ANKRD26: variants seen among roughly 807,000 people sequenced by gnomAD.
ANKRD26 encodes ankyrin repeat domain 26.
A neutral mutation model predicts 208.7 loss-of-function variants in ANKRD26; 141 were observed. The ratio of observed to expected loss-of-function variants is 0.68; its 90% CI spans 0.59 to 0.78. ANKRD26 has a LOEUF of 0.78. ANKRD26 is among the 30% of genes least tolerant of loss of function. The probability of loss-of-function intolerance (pLI) is 0.00; values close to 1 mark genes in which losing one functional copy is unlikely to be tolerated. For missense variants in ANKRD26, 1,889 were observed against 1,938.7 expected, an observed-to-expected ratio of 0.97 and a Z score of 0.48; for synonymous variants, 636 against 660.4, an observed-to-expected ratio of 0.96 and a Z score of 0.57.
rs760688193 is a variant in ANKRD26 at position 27,037,272 on chromosome 10, C to T, written c.2611G>A (p.Ala871Thr). ...AQRQLSREQNARMLQDGILTN... is the reference protein window; with the variant it reads ...AQRQLSREQNTRMLQDGILTN... ...AGAATTCCATCTTGTAACATTCTGG[C>T]ATTCTGTTCTCGAGAAAGTTGCCTC... The change falls in exon 23 of 34, where the codon GCC (alanine) becomes ACC (threonine). Residue 871 changes from alanine (A) to threonine (T), a missense_variant. Physicochemically the swap from Ala to Thr is moderately conservative, Grantham distance 58 (BLOSUM62 0). This residue lies in a region of ANKRD26 where 1,272 missense variants were observed against 1,273.8 expected (regional missense o/e 1.00). Coordinates refer to ENST00000376087, the MANE Select transcript of ANKRD26 (RefSeq NM_014915.3). 8.1e-6 allele frequency: 13 copies of T among 1,613,768 alleles called. No individual in the cohort carries two copies. The highest frequency in any genetic ancestry group is 3.3e-5 in the South Asian group (3 of 91,068).
At chr10:27,077,760 AATAG>A (rs1183504485) in intron 7 of ANKRD26, 67 bp from the exon 8 acceptor site, 9 of 1,348,908 alleles carry the variant, frequency 6.7e-6, no homozygotes, top group South Asian at 2.4e-5. Context: ...AAATAATCGT[AATAG>A]ATAGTCACCA....
chr10:27,082,662 A>G (rs989564848), intron 6 of ANKRD26, 141 bp downstream of exon 6: 163 of 1,249,080 alleles, frequency 1.3e-4, no homozygotes, highest in Non-Finnish European at 1.3e-4. Context: ...GGGTTGTAAT[A>G]TAGCACAGAT....
chr10:27,074,804 AAAAT>A (rs1447190298), intron 9 of ANKRD26, among the ~76,000 whole-genome samples: 2 of 151,938 alleles, frequency 1.3e-5, no homozygotes, highest in Non-Finnish European at 1.5e-5. Flanking sequence ...AGAATAAAAT[AAAAT>A]AAATAAATAA....
intron 5 of ANKRD26, among the ~76,000 whole-genome samples, 168 bp from the exon 6 acceptor site, chr10:27,083,001 G>T (rs1389994206): frequency 6.6e-6 from 1 of 152,012 alleles, no homozygotes; most frequent in Non-Finnish European, 1.5e-5. Context: ...CACATGTATA[G>T]AAAAAAGTTA....
At chr10:27,046,164 A>G in intron 18 of ANKRD26, 189 bp downstream of exon 18, 3 of 631,814 alleles carry the variant, frequency 4.7e-6, no homozygotes, top group East Asian at 2.9e-5. Flanking sequence ...CATCCACTAT[A>G]GTCAGGGCTC....
At chr10:27,013,160 T>A in intron 31 of ANKRD26, 50 bp from the exon 32 acceptor site, 1 of 1,528,506 alleles carries the variant, frequency 6.5e-7, no homozygotes, top group Non-Finnish European at 9.0e-7. Context: ...TTTCCCTAAA[T>A]GATTCCTAAA....
intron 33 of ANKRD26, among the ~76,000 whole-genome samples, chr10:27,006,516 A>G (rs932490369): frequency 1.3e-5 from 2 of 152,194 alleles, no homozygotes; most frequent in African/African-American, 4.8e-5. Flanking sequence ...TCCAGACTAG[A>G]TATTACTAGT....
chr10:26,961,202 C>T, the ANKRD26 span, among the ~76,000 whole-genome samples: 2,854 of 138,778 alleles, frequency 0.021, 44 homozygotes, highest in Middle Eastern at 0.032. Context: ...GGCAACAAAG[C>T]GAGAATCCAT....
intron 9 of ANKRD26, among the ~76,000 whole-genome samples, chr10:27,069,961 T>A (rs1321440724): frequency 6.6e-6 from 1 of 151,510 alleles, no homozygotes; most frequent in African/African-American, 2.4e-5. Context: ...CTACAAAAAA[T>A]AAATAAATAG....
intron 9 of ANKRD26, among the ~76,000 whole-genome samples, chr10:27,070,988 T>C (rs1038452754): frequency 6.6e-6 from 1 of 151,998 alleles, no homozygotes; most frequent in African/African-American, 2.4e-5. Flanking sequence ...GTAAACTCCC[T>C]TGGCAATCTT....
At chr10:26,960,459 C>G in the ANKRD26 span, among the ~76,000 whole-genome samples, 1 of 152,172 alleles carries the variant, frequency 6.6e-6, no homozygotes, top group African/African-American at 2.4e-5. Flanking sequence ...TCCTCCAGAC[C>G]AGCCTAGCTG....
chr10:27,072,642 G>A (rs926949768), intron 9 of ANKRD26, among the ~76,000 whole-genome samples: 1 of 152,068 alleles, frequency 6.6e-6, no homozygotes, highest in African/African-American at 2.4e-5. Context: ...TTTTGCAAGC[G>A]CCACCTCCTG....
chr10:26,959,184 C>A, the ANKRD26 span, among the ~76,000 whole-genome samples: 3 of 151,190 alleles, frequency 2.0e-5, no homozygotes, highest in African/African-American at 4.9e-5. Flanking sequence ...GAGGCTGAGG[C>A]ATGAGAATCA....
intron 27 of ANKRD26, among the ~76,000 whole-genome samples, chr10:27,026,987 T>C (rs1341519756): frequency 1.3e-5 from 2 of 152,172 alleles, no homozygotes; most frequent in Admixed American, 6.5e-5. Flanking sequence ...GGTTTTGCCA[T>C]GTTGGCCAGG....
At chr10:27,033,030 G>A (rs773432403) in intron 25 of ANKRD26, among the ~76,000 whole-genome samples, 195 bp downstream of exon 25, 2 of 144,746 alleles carry the variant, frequency 1.4e-5, no homozygotes, top group South Asian at 2.2e-4. Flanking sequence ...AGCCGAGATC[G>A]CGCCACTGTG....
At position 27,061,252 on chromosome 10, in the gene ANKRD26, A is replaced by C. The variant is rs754741632; in HGVS notation, c.1364-10T>G. 5.9e-6 allele frequency: 9 copies of C among 1,523,128 alleles called. No homozygotes were observed. In the South Asian group the frequency reaches 7.9e-5, roughly 13 times the overall value. 94.4% of individuals were successfully genotyped at this position (1,523,128 alleles called of 1,614,324 possible). A position where few individuals can be genotyped will look rare whatever the true frequency, so the allele number is the denominator to read the frequency against. ...GGTATATAAAACACATCTAAGAAAT[A>C]ATACATAATAAGCTTTCAATATTGT... On this transcript the variant is annotated splice_polypyrimidine_tract_variant and intron_variant, in intron 12 of 33. Transcript: ENST00000376087.
intron 3 of ANKRD26, 117 bp downstream of exon 3, chr10:27,093,232 A>G: frequency 1.0e-6 from 1 of 968,980 alleles, no homozygotes; most frequent in South Asian, 1.4e-5. Context: ...TTATTTTAAA[A>G]TACTTTCAGT....
At chr10:26,973,649 C>CTTTTTTTTTTTTTTT (rs71386903), downstream of ANKRD26, among the ~76,000 whole-genome samples, 1 of 88,428 alleles carries the variant, frequency 1.1e-5, no homozygotes, top group African/African-American at 4.6e-5. Context: ...TTTATTTGTC[C>CTTTTTTTTTTTTTTT]TTTTTTTTTT....
At chr10:27,090,979 C>A (rs1293957652) in intron 4 of ANKRD26, among the ~76,000 whole-genome samples, 1 of 152,180 alleles carries the variant, frequency 6.6e-6, no homozygotes, top group African/African-American at 2.4e-5. Context: ...GCCTGTAGTC[C>A]CAGCTACTCA....
Sources: gnomAD v4.1 joint callset for allele counts (sites outside exome capture counted in the v4.1 genomes callset) on GRCh38, gnomAD v4.1.1 for gene constraint, gnomAD v4.1.1 regional missense constraint, MANE v1.5 for transcripts, NCBI Gene and HGNC (gene_info 2026-07-23, HGNC 2026-07-21) for gene names.